Variants in HS3ST5 observed in about 807,000 individuals in gnomAD.
HS3ST5 encodes the protein heparan sulfate-glucosamine 3-sulfotransferase 5, also known as heparan sulfate glucosamine 3-O-sulfotransferase 5.
A neutral mutation model predicts 25.4 loss-of-function variants in HS3ST5; 10 were observed. The observed-to-expected ratio is 0.39, with a 90% CI of 0.24 to 0.67. The LOEUF is 0.67. HS3ST5 is among the 30% of genes least tolerant of loss of function. HS3ST5 has a pLI of 0.44. For synonymous variants in HS3ST5, 170 were observed against 162.4 expected, an observed-to-expected ratio of 1.05 and a Z score of -0.36; for missense variants, 324 against 420.7, an observed-to-expected ratio of 0.77 and a Z score of 2.01.
chr6:114,280,714 G>C (rs1434084369), intron 1 of HS3ST5, among the ~76,000 whole-genome samples: 1 of 151,952 alleles, frequency 6.6e-6, no homozygotes, highest in Admixed American at 6.6e-5. Context: ...TTCTCCTTTG[G>C]ATGAGCCTTC....
intron 2 of HS3ST5, among the ~76,000 whole-genome samples, chr6:114,213,481 G>A (rs375974477): frequency 1.3e-5 from 2 of 152,116 alleles, no homozygotes; most frequent in South Asian, 4.2e-4. Flanking sequence ...TGCCTTTCTC[G>A]GTCTAGTATT....
intron 1 of HS3ST5, among the ~76,000 whole-genome samples, chr6:114,330,500 C>G (rs1776349399): frequency 1.3e-5 from 2 of 152,170 alleles, no homozygotes; most frequent in African/African-American, 4.8e-5. Flanking sequence ...TGCTTCACAG[C>G]AAATGTTTAG....
In HS3ST5 at chr6:114,341,858, G is replaced by A. The variant is rs969855021; in HGVS notation, c.-339+337C>T. Among the ~76,000 whole-genome samples the A allele has an allele frequency of 5.3e-5, 8 of 152,078 alleles. No individual in the cohort carries two copies. The South Asian group carries it at 8.3e-4, about 16-fold the overall frequency. On this transcript the variant is annotated intron_variant, in intron 1 of 4. Transcript: ENST00000312719. ...AAACTCTGGCGAGCGCAGTAAACGC[G>A]TGTTCCCTTTCTCCCTCAAAGAGAG...
At chr6:114,233,290 G>C (rs1031644156) in intron 1 of HS3ST5, among the ~76,000 whole-genome samples, 1 of 152,024 alleles carries the variant, frequency 6.6e-6, no homozygotes, top group Non-Finnish European at 1.5e-5. Flanking sequence ...ATAATAGAAT[G>C]CCATGCAAAT....
chr6:114,245,814 C>T (rs576730210), intron 1 of HS3ST5, among the ~76,000 whole-genome samples: 7 of 152,286 alleles, frequency 4.6e-5, no homozygotes, highest in South Asian at 2.1e-4. Flanking sequence ...ACTAGACAGG[C>T]GTTATGCATA....
At chr6:114,084,828 CTTTTCTTTT>C in intron 3 of HS3ST5, 1 of 593,042 alleles carries the variant, frequency 1.7e-6, no homozygotes. Context: ...TTTTTCTTTT[CTTTTCTTTT>C]TTTTTTTTTT....
At chr6:114,085,338 C>T (rs953463554) in intron 3 of HS3ST5, among the ~76,000 whole-genome samples, 6 of 152,066 alleles carry the variant, frequency 3.9e-5, no homozygotes. Flanking sequence ...ACATGGTCGT[C>T]TGGGATCATG....
At chr6:114,167,206 G>A (rs993407040) in intron 3 of HS3ST5, among the ~76,000 whole-genome samples, 12 of 152,196 alleles carry the variant, frequency 7.9e-5, no homozygotes, top group African/African-American at 2.7e-4. Context: ...GCACATGTGT[G>A]TGAGACAATA....
At chr6:114,234,711 A>C (rs1771772692) in intron 1 of HS3ST5, among the ~76,000 whole-genome samples, 2 of 152,174 alleles carry the variant, frequency 1.3e-5, no homozygotes. Context: ...GCAAATTTTC[A>C]TGTGTAGGAT....
intron 1 of HS3ST5, among the ~76,000 whole-genome samples, chr6:114,267,020 C>T (rs2114687657): frequency 6.6e-6 from 1 of 152,282 alleles, no homozygotes; most frequent in East Asian, 1.9e-4. Flanking sequence ...TCTGCACACA[C>T]ATACAAAAAT....
chr6:114,083,876 T>G (rs950207702), intron 3 of HS3ST5, among the ~76,000 whole-genome samples: 3 of 152,178 alleles, frequency 2.0e-5, no homozygotes, highest in Non-Finnish European at 4.4e-5. Flanking sequence ...TTTCATGTTT[T>G]CTATATTTTC....
chr6:114,131,791 C>T (rs748277553), intron 3 of HS3ST5, among the ~76,000 whole-genome samples: 2 of 152,044 alleles, frequency 1.3e-5, no homozygotes, highest in Non-Finnish European at 2.9e-5. Flanking sequence ...GTTTCTGTAC[C>T]TCTCTGTCTG....
chr6:114,236,305 A>G (rs1399724416), intron 1 of HS3ST5, among the ~76,000 whole-genome samples: 1 of 152,232 alleles, frequency 6.6e-6, no homozygotes, highest in African/African-American at 2.4e-5. Context: ...CAACTTATAC[A>G]TAGGTACACT....
At chr6:114,233,923 C>T (rs762065812) in intron 1 of HS3ST5, among the ~76,000 whole-genome samples, 6 of 152,072 alleles carry the variant, frequency 3.9e-5, no homozygotes, top group African/African-American at 1.2e-4. Flanking sequence ...GCATAGGGAA[C>T]ATAAAAGCAA....
intron 3 of HS3ST5, among the ~76,000 whole-genome samples, chr6:114,110,496 C>G (rs1776215983): frequency 6.6e-6 from 1 of 152,162 alleles, no homozygotes; most frequent in Non-Finnish European, 1.5e-5. Flanking sequence ...TTTGTCCTTA[C>G]AAACCTCAAA....
At chr6:114,315,702 G>T (rs985506661) in intron 1 of HS3ST5, among the ~76,000 whole-genome samples, 4 of 152,052 alleles carry the variant, frequency 2.6e-5, no homozygotes, top group African/African-American at 9.7e-5. Context: ...TGAAAAGATT[G>T]GACTTTCTTT....
intron 4 of HS3ST5, 89 bp downstream of exon 4, chr6:114,062,650 C>T: frequency 1.3e-6 from 1 of 776,256 alleles, no homozygotes; most frequent in Non-Finnish European, 2.1e-6. Flanking sequence ...AGGAGAAAAA[C>T]AAGTGGATAG....
At chr6:114,090,067 G>A (rs1775043327) in intron 3 of HS3ST5, among the ~76,000 whole-genome samples, 1 of 152,154 alleles carries the variant, frequency 6.6e-6, no homozygotes, top group Non-Finnish European at 1.5e-5. Flanking sequence ...CCAAAGATAA[G>A]GAAACTTTAT....
chr6:114,152,795 G>C (rs2114964250), intron 3 of HS3ST5, among the ~76,000 whole-genome samples: 1 of 152,280 alleles, frequency 6.6e-6, no homozygotes, highest in South Asian at 2.1e-4. Flanking sequence ...TGTCTCTACT[G>C]CGAGGGATGT....
Sources: gnomAD v4.1 joint callset for allele counts (sites outside exome capture counted in the v4.1 genomes callset) on GRCh38, gnomAD v4.1.1 for gene constraint, MANE v1.5 for transcripts, NCBI Gene and HGNC (gene_info 2026-07-23, HGNC 2026-07-21) for gene names.